The following GAS7 variants were observed in gnomAD, a reference collection of about 807,000 sequenced individuals.
GAS7 encodes the protein growth arrest-specific protein 7.
A neutral mutation model predicts 71.1 loss-of-function variants in GAS7; 28 were observed. The observed-to-expected ratio is 0.39, with a 90% CI of 0.29 to 0.54. The LOEUF is 0.54. Among genes scored for constraint, GAS7 ranks in the 20% least tolerant of loss-of-function variants. GAS7 has a pLI of 0.62. For missense variants in GAS7, 436 were observed against 627.8 expected (o/e 0.69, Z 3.27); for synonymous variants, 258 against 245.8 (o/e 1.05, Z -0.46).
chr17:9,929,689 G>C (rs1315980645), intron 9 of GAS7, among the ~76,000 whole-genome samples: 1 of 151,776 alleles, frequency 6.6e-6, no homozygotes, highest in Middle Eastern at 3.2e-3. Flanking sequence ...ATGTTAGCCA[G>C]GATGGTCTTG....
chr17:10,099,607 A>T (rs2073679248), intron 1 of GAS7, among the ~76,000 whole-genome samples: 2 of 152,120 alleles, frequency 1.3e-5, no homozygotes, highest in Non-Finnish European at 2.9e-5. Context: ...TCCACACAAT[A>T]GGAAAGAGAC....
At position 10,029,688 on chromosome 17, in the gene GAS7, C is replaced by T. The variant is rs1233373330; in HGVS notation, c.184-9791G>A. 2.0e-5 allele frequency among the ~76,000 whole-genome samples: 3 copies of T among 151,906 alleles called. No individual in the cohort carries two copies. The East Asian group carries it at 5.8e-4, about 29-fold the overall frequency. Reference sequence around the variant, plus strand: ...GCGCAACACAGCAACTCCATCACCACAAAAAATTTAAAAATTAGCCAGACG... The same window carrying T: ...GCGCAACACAGCAACTCCATCACCATAAAAAATTTAAAAATTAGCCAGACG... On this transcript the variant is annotated intron_variant, in intron 1 of 13. Transcript: ENST00000432992.
chr17:9,937,626 G>A (rs1210391555), intron 8 of GAS7, among the ~76,000 whole-genome samples: 1 of 152,244 alleles, frequency 6.6e-6, no homozygotes, highest in Non-Finnish European at 1.5e-5. Context: ...AGGCCGCCTG[G>A]CTGCACAGCC....
intron 1 of GAS7, among the ~76,000 whole-genome samples, chr17:10,086,491 G>C (rs2073520960): frequency 6.6e-6 from 1 of 152,202 alleles, no homozygotes; most frequent in Admixed American, 6.5e-5. Flanking sequence ...TAAGGAATCT[G>C]GGTTTGTTCT....
At chr17:10,068,243 G>T (rs2073303175) in intron 1 of GAS7, among the ~76,000 whole-genome samples, 1 of 152,088 alleles carries the variant, frequency 6.6e-6, no homozygotes, top group Admixed American at 6.6e-5. Context: ...CTCCTTCAGG[G>T]CGCTTCCCTA....
At chr17:10,071,377 T>A (rs2073338125) in intron 1 of GAS7, among the ~76,000 whole-genome samples, 1 of 152,194 alleles carries the variant, frequency 6.6e-6, no homozygotes. Context: ...CAGAGCTGGC[T>A]GTAGGACTGG....
chr17:10,155,917 A>G (rs1597824586), intron 1 of GAS7, among the ~76,000 whole-genome samples: 1 of 152,002 alleles, frequency 6.6e-6, no homozygotes, highest in East Asian at 1.9e-4. Flanking sequence ...TGGCATTGAC[A>G]CCCCGCACTC....
In GAS7 at chr17:9,990,045, G is replaced by A. The variant is rs531374534; in HGVS notation, c.305-8161C>T. On this transcript the variant is annotated intron_variant, in intron 2 of 13. Transcript: ENST00000432992. ...AGCACTTTGGGAGGCAGAGGTGGAC[G>A]GATCATGAGGTCAGGAGATCAAGAC... 1.2e-3 allele frequency among the ~76,000 whole-genome samples: 177 copies of A among 152,220 alleles called. 1 individual carries two copies. The highest frequency in any genetic ancestry group is 0.01 in the Middle Eastern group (3 of 294).
intron 1 of GAS7, among the ~76,000 whole-genome samples, chr17:10,057,699 C>T (rs894587885): frequency 2.6e-5 from 4 of 152,090 alleles, no homozygotes; most frequent in African/African-American, 9.7e-5. Flanking sequence ...GCCGCCCCTT[C>T]TGGGAAGTGA....
Position 9,914,802 on chromosome 17 carries a change from C to T in GAS7, c.*2426G>A, listed in dbSNP as rs1477406016. 2 of 229,408 alleles carry T rather than the reference C, an allele frequency of 8.7e-6. No individual in the cohort carries two copies. Among genetic ancestry groups the T allele is most frequent in the Non-Finnish European group, 1.7e-5 (2 of 115,764 alleles). The allele number at this position is 229,408 out of a possible 1,614,324, so 14.2% of individuals were successfully genotyped here. A position where few individuals can be genotyped will look rare whatever the true frequency, so the allele number is the denominator to read the frequency against. On this transcript the variant is annotated 3_prime_UTR_variant, in exon 14 of 14. Transcript: ENST00000432992. Reference sequence around the variant, plus strand: ...CCCATCTTACATACAACTAGAGCGCCGCTTCTCAGCATGCCTGGCTTGTCT... The same window carrying T: ...CCCATCTTACATACAACTAGAGCGCTGCTTCTCAGCATGCCTGGCTTGTCT...
intron 1 of GAS7, among the ~76,000 whole-genome samples, chr17:10,102,882 G>C (rs548496009): frequency 6.6e-5 from 10 of 152,052 alleles, no homozygotes; most frequent in Admixed American, 1.3e-4. Flanking sequence ...TGCCCCAAAT[G>C]AATGTTCAAT....
rs111406589 is a variant in GAS7, at chr17:9,959,533, G to T, written c.472-278C>A. ...GTCTCCCCTCCTCTTCTCTCAGTCT[G>T]TGATTTGGGGAGTTAACCCCTCCGC... On this transcript the variant is annotated intron_variant, in intron 4 of 13. Coordinates refer to ENST00000432992, the MANE Select transcript of GAS7 (RefSeq NM_201433.2). This position sits in a 1 kb window ranked among gnomAD's most constrained non-coding sequence, Gnocchi z 5.0. 1 of 1,140,580 alleles carries T rather than the reference G, an allele frequency of 8.8e-7. No homozygotes were observed. The highest frequency in any genetic ancestry group is 1.2e-6 in the Non-Finnish European group (1 of 865,054). 70.7% of individuals were successfully genotyped at this position (1,140,580 alleles called of 1,614,324 possible).
At chr17:9,997,945 G>C (rs1441583375) in intron 2 of GAS7, among the ~76,000 whole-genome samples, 3 of 152,228 alleles carry the variant, frequency 2.0e-5, no homozygotes, top group Non-Finnish European at 1.5e-5. Flanking sequence ...CACTCCCCAG[G>C]CTCCATGTGG....
At chr17:10,014,206 C>A (rs895456169) in intron 2 of GAS7, among the ~76,000 whole-genome samples, 1 of 152,128 alleles carries the variant, frequency 6.6e-6, no homozygotes, top group African/African-American at 2.4e-5. Context: ...GCAGAAAACC[C>A]GGAGGAATCC....
intron 2 of GAS7, among the ~76,000 whole-genome samples, chr17:9,993,645 C>T (rs1363480116): frequency 6.6e-6 from 1 of 151,354 alleles, no homozygotes. Context: ...TCTCTCACCA[C>T]TCCTATTCAA....
chr17:10,054,545 A>AC (rs2073109625), intron 1 of GAS7, among the ~76,000 whole-genome samples: 1 of 151,024 alleles, frequency 6.6e-6, no homozygotes, highest in Admixed American at 6.6e-5. Context: ...ACCACTAAAA[A>AC]CCCCCCATGA....
At chr17:9,934,386 C>T (rs1326539577) in intron 8 of GAS7, 142 bp from the exon 9 acceptor site, 4 of 646,658 alleles carry the variant, frequency 6.2e-6, no homozygotes, top group East Asian at 2.7e-5. Flanking sequence ...AGGCAGAAAC[C>T]AGACATGAGC....
At chr17:10,009,081 G>A (rs899036796) in intron 2 of GAS7, among the ~76,000 whole-genome samples, 5 of 152,240 alleles carry the variant, frequency 3.3e-5, no homozygotes, top group African/African-American at 9.6e-5. Flanking sequence ...AGCACTTTGG[G>A]AGGCCGAGGC....
At chr17:10,114,910 T>G (rs996421370) in intron 1 of GAS7, among the ~76,000 whole-genome samples, 2 of 152,200 alleles carry the variant, frequency 1.3e-5, no homozygotes, top group African/African-American at 4.8e-5. Context: ...ATGAGAATGA[T>G]TCTCTGGCAA....
Sources: allele counts gnomAD v4.1 joint callset (sites outside exome capture counted in the v4.1 genomes callset), GRCh38; gene constraint gnomAD v4.1.1; non-coding constraint Gnocchi (gnomAD v3.1); transcripts MANE v1.5; gene names NCBI Gene and HGNC (gene_info 2026-07-23, HGNC 2026-07-21).